Variants in ZRANB1 observed in about 807,000 individuals in gnomAD.
The protein encoded by ZRANB1 is zinc finger RANBP2-type containing 1, also known as ubiquitin thioesterase ZRANB1.
A neutral mutation model predicts 80.5 loss-of-function variants in ZRANB1; 16 were observed. The observed-to-expected ratio is 0.20, with a 90% CI of 0.13 to 0.30. The LOEUF (loss-of-function observed/expected upper bound fraction) is 0.30, where lower values mean the gene tolerates loss of function less well. ZRANB1 is among the 10% of genes least tolerant of loss of function. The pLI is 1.00. For missense variants in ZRANB1, 576 were observed against 862.6 expected (o/e 0.67, Z 4.16); for synonymous variants, 291 against 293.1 (o/e 0.99, Z 0.07).
chr10:124,948,043 A>T (rs933315197), intron 1 of ZRANB1, among the ~76,000 whole-genome samples: 3 of 152,114 alleles, frequency 2.0e-5, no homozygotes, highest in Non-Finnish European at 4.4e-5. Flanking sequence ...TGAATAACAC[A>T]GGTCTGAACT....
At chr10:124,978,620 G>C (rs2133992870) in intron 5 of ZRANB1, among the ~76,000 whole-genome samples, 1 of 152,000 alleles carries the variant, frequency 6.6e-6, no homozygotes, top group East Asian at 1.9e-4. Context: ...AAGTCTTTTA[G>C]AATTATTCCT....
chr10:124,920,413 A>C, the ZRANB1 span, among the ~76,000 whole-genome samples: 2 of 152,110 alleles, frequency 1.3e-5, no homozygotes, highest in Admixed American at 1.3e-4. Flanking sequence ...TCACAACATA[A>C]AGACTTAGAG....
chr10:124,954,630 T>C (rs1005399973), intron 1 of ZRANB1, among the ~76,000 whole-genome samples: 4 of 150,200 alleles, frequency 2.7e-5, no homozygotes, highest in African/African-American at 9.8e-5. Flanking sequence ...GTATTTTTAG[T>C]AGAGATGGGG....
chr10:124,943,402 C>G, intron 1 of ZRANB1, 95 bp downstream of exon 1: 1 of 1,223,840 alleles, frequency 8.2e-7, no homozygotes, highest in Non-Finnish European at 1.1e-6. Context: ...CGTTTGTGGT[C>G]TTAGCCACTT....
intron 5 of ZRANB1, among the ~76,000 whole-genome samples, 183 bp downstream of exon 5, chr10:124,974,581 A>G (rs1951858100): frequency 6.6e-6 from 1 of 152,256 alleles, no homozygotes; most frequent in Non-Finnish European, 1.5e-5. Flanking sequence ...TTCCCCCAAG[A>G]AATGAGATAA....
chr10:124,974,309 T>C lies in ZRANB1; in HGVS notation c.1338T>C (p.Asp446=). 6.2e-6 allele frequency: 10 copies of C among 1,614,258 alleles called. No homozygotes were observed. Among genetic ancestry groups the C allele is most frequent in the Non-Finnish European group, 8.5e-6 (10 of 1,180,050 alleles). Residue 446 remains aspartate (D), a synonymous_variant, in exon 5 of 9, where the codon GAT becomes GAC. Transcript: ENST00000359653. The stretch of plus-strand genomic sequence containing the variant: ...GGACTGCAGGAGACTGCCTACTTGA[T>C]TCAGTTCTACAAGCTACCTGGGGCA... ...WNRTAGDCLL[D]SVLQATWGIY...
At chr10:124,927,439 A>G in the ZRANB1 span, among the ~76,000 whole-genome samples, 14 of 152,174 alleles carry the variant, frequency 9.2e-5, no homozygotes, top group African/African-American at 3.1e-4. Flanking sequence ...ACCACTTCTA[A>G]ATCCTTTCCT....
At chr10:124,979,147 A>G (rs1294360853) in intron 5 of ZRANB1, among the ~76,000 whole-genome samples, 3 of 152,162 alleles carry the variant, frequency 2.0e-5, no homozygotes, top group Non-Finnish European at 4.4e-5. Context: ...ATCTTCATAC[A>G]TTGCTGATAG....
the ZRANB1 span, among the ~76,000 whole-genome samples, chr10:124,936,788 A>G: frequency 6.6e-6 from 1 of 152,212 alleles, no homozygotes; most frequent in African/African-American, 2.4e-5. Flanking sequence ...AAAATTTAGC[A>G]TGCTTGGAAA....
upstream of ZRANB1, chr10:124,940,637 T>C (rs1410029265): frequency 4.0e-6 from 3 of 758,466 alleles, no homozygotes; most frequent in South Asian, 3.1e-5. Flanking sequence ...CTATAAATGG[T>C]GTATGGACTT....
rs1246614734 is a variant in ZRANB1 at position 124,986,287 on chromosome 10, G to GCACACACACACACA, written c.*1296_*1297insACACACACACACAC. On this transcript the variant is annotated 3_prime_UTR_variant, in exon 9 of 9. Coordinates refer to ENST00000359653, the MANE Select transcript of ZRANB1 (RefSeq NM_017580.3). ...GGAAAGACGACACACGCACGCGCGC[G>GCACACACACACACA]CGCGCACACACACACACACACACAC... 12 of 73,022 alleles carry GCACACACACACACA rather than the reference G, an allele frequency of 1.6e-4. No individual in the cohort carries two copies. The highest frequency in any genetic ancestry group is 5.1e-4 in the African/African-American group (12 of 23,688). The allele number at this position is 73,022 out of a possible 1,614,324, so 4.5% of individuals were successfully genotyped here. A position where few individuals can be genotyped will look rare whatever the true frequency, so the allele number is the denominator to read the frequency against.
Position 124,942,948 on chromosome 10 carries a change from A to C in ZRANB1, c.455A>C (p.His152Pro), listed in dbSNP as rs77656372. ...DRNKLNTRTQ[H>P]WTCSVCTYEN... ...AATAAACTGAACACTAGGACACAGCACTGGACTTGCTCTGTTTGCACATAT... is the reference window on the plus strand; with the variant it reads ...AATAAACTGAACACTAGGACACAGCCCTGGACTTGCTCTGTTTGCACATAT... The change falls in exon 1 of 9, where the codon CAC becomes CCC. Residue 152 changes from histidine (H) to proline (P), a missense_variant. His to Pro is a moderately conservative substitution (Grantham distance 77). Around this residue, in one of 3 missense-constraint regions of ZRANB1, gnomAD observed 411 missense variants for 583.1 expected, o/e 0.70. Coordinates refer to ENST00000359653, the MANE Select transcript of ZRANB1 (RefSeq NM_017580.3). The C allele has an allele frequency of 1.9e-6, 3 of 1,614,234 alleles. No individual in the cohort carries two copies. Among genetic ancestry groups the C allele is most frequent in the Admixed American group, 1.7e-5 (1 of 60,028 alleles).
intron 1 of ZRANB1, among the ~76,000 whole-genome samples, chr10:124,963,979 G>A (rs879488449): frequency 1.3e-5 from 2 of 152,102 alleles, no homozygotes; most frequent in Non-Finnish European, 2.9e-5. Context: ...GGAGAATTTC[G>A]TGCTGTCAAA....
At chr10:124,940,340 T>G (rs1167231370), upstream of ZRANB1, among the ~76,000 whole-genome samples, 1 of 152,258 alleles carries the variant, frequency 6.6e-6, no homozygotes, top group Non-Finnish European at 1.5e-5. Context: ...AGTAGCAGGC[T>G]TCAAGTGAAA....
chr10:124,983,422 C>A lies in ZRANB1; in HGVS notation c.1679-37C>A. 6.3e-7 allele frequency: 1 copy of A among 1,595,762 alleles called. No individual in the cohort carries two copies. The highest frequency in any genetic ancestry group is 1.1e-5 in the South Asian group (1 of 88,818). The stretch of plus-strand genomic sequence containing the variant: ...GGCAGTGAGGGAGTGGCTCTTTCTT[C>A]CTGTGACTGTTGGGATTTTCTTCCC... On this transcript the variant is annotated intron_variant, in intron 7 of 8. Coordinates refer to ENST00000359653, the MANE Select transcript of ZRANB1 (RefSeq NM_017580.3). This position sits in a 1 kb window ranked among gnomAD's most constrained non-coding sequence, Gnocchi z 6.2.
chr10:124,941,099 A>G (rs553837424), upstream of ZRANB1, among the ~76,000 whole-genome samples: 64 of 152,286 alleles, frequency 4.2e-4, no homozygotes, highest in African/African-American at 1.3e-3. Context: ...TACTCTGCCT[A>G]GGATTTCTTT....
chr10:124,974,454 C>A, intron 5 of ZRANB1, 56 bp downstream of exon 5: 1 of 1,567,558 alleles, frequency 6.4e-7, no homozygotes, highest in Non-Finnish European at 8.8e-7. Flanking sequence ...GGATTATTTC[C>A]TTGTAGTGGT....
intron 1 of ZRANB1, among the ~76,000 whole-genome samples, chr10:124,955,308 T>C (rs1041780459): frequency 2.0e-5 from 3 of 151,866 alleles, no homozygotes; most frequent in African/African-American, 7.3e-5. Flanking sequence ...TAATCTCGGC[T>C]CACTGCAACC....
At chr10:124,954,364 T>C (rs1013286058) in intron 1 of ZRANB1, among the ~76,000 whole-genome samples, 1 of 151,458 alleles carries the variant, frequency 6.6e-6, no homozygotes, top group Admixed American at 6.6e-5. Flanking sequence ...TTAATAGTTT[T>C]GAACATTTAA....
Sources: allele counts gnomAD v4.1 joint callset (sites outside exome capture counted in the v4.1 genomes callset), GRCh38; gene constraint gnomAD v4.1.1; regional missense constraint gnomAD v4.1.1; non-coding constraint Gnocchi (gnomAD v3.1); transcripts MANE v1.5; gene names NCBI Gene and HGNC (gene_info 2026-07-23, HGNC 2026-07-21).